Variants in EYA4 observed in about 807,000 individuals in gnomAD.
The protein encoded by EYA4 is EYA transcriptional coactivator and phosphatase 4.
In EYA4, 31 loss-of-function variants were observed where a neutral mutation model predicts 87.9. The observed-to-expected ratio is 0.35, with a 90% CI of 0.27 to 0.48. EYA4 has a LOEUF of 0.48. EYA4 is among the 20% of genes least tolerant of loss of function. The probability of loss-of-function intolerance (pLI) is 0.99; values close to 1 mark genes in which losing one functional copy is unlikely to be tolerated. For synonymous variants in EYA4, 263 were observed against 270.6 expected (o/e 0.97, Z 0.28); for missense variants, 678 against 761.4 (o/e 0.89, Z 1.29).
intron 3 of EYA4, among the ~76,000 whole-genome samples, chr6:133,418,754 G>A (rs975175357): frequency 6.6e-6 from 1 of 152,072 alleles, no homozygotes; most frequent in Non-Finnish European, 1.5e-5. Context: ...CTATAAATAA[G>A]GGCAACCAAA....
chr6:133,522,630 G>C (rs1430430288), intron 17 of EYA4, among the ~76,000 whole-genome samples: 1 of 152,008 alleles, frequency 6.6e-6, no homozygotes, highest in African/African-American at 2.4e-5. Flanking sequence ...AAATTTTCCT[G>C]TTACAAGTAT....
intron 2 of EYA4, among the ~76,000 whole-genome samples, chr6:133,380,622 A>G (rs866330454): frequency 1.3e-5 from 2 of 152,134 alleles, no homozygotes; most frequent in African/African-American, 2.4e-5. Flanking sequence ...TGGGCAGTTC[A>G]TATAGTTTTT....
intron 5 of EYA4, among the ~76,000 whole-genome samples, chr6:133,451,672 G>A (rs1360529951): frequency 6.6e-6 from 1 of 152,132 alleles, no homozygotes; most frequent in Non-Finnish European, 1.5e-5. Flanking sequence ...GCAGAGGGAG[G>A]CAGACATGAA....
chr6:133,424,309 C>T (rs1205412253), intron 3 of EYA4, among the ~76,000 whole-genome samples: 3 of 152,204 alleles, frequency 2.0e-5, no homozygotes, highest in Non-Finnish European at 4.4e-5. Context: ...CCACTCTGGT[C>T]TGCAGGACTG....
Position 133,448,194 on chromosome 6 carries a change from G to GGT in EYA4, c.277+16_277+17dup. The GGT allele has an allele frequency of 6.3e-7, 1 of 1,594,222 alleles. No homozygotes were observed. The highest frequency in any genetic ancestry group is 8.6e-7 in the Non-Finnish European group (1 of 1,161,862). ...TTCTGCAACAAGTATGAGAGATGCT[G>GGT]GTACACTGCATGTGTTTGGGTGTGT... On this transcript the variant is annotated intron_variant, in intron 5 of 19. Transcript: ENST00000355286.
At chr6:133,273,097 G>GTATATATATATATATATA (rs3065331) in intron 1 of EYA4, among the ~76,000 whole-genome samples, 14 of 106,648 alleles carry the variant, frequency 1.3e-4, no homozygotes, top group East Asian at 4.2e-4. Context: ...ATATATATAT[G>GTATATATATATATATATA]TATATATATA....
intron 5 of EYA4, among the ~76,000 whole-genome samples, chr6:133,455,896 A>G (rs1052422379): frequency 3.3e-5 from 5 of 152,144 alleles, no homozygotes; most frequent in African/African-American, 1.2e-4. Context: ...GCCAAAATAC[A>G]CCATTACCAC....
intron 2 of EYA4, among the ~76,000 whole-genome samples, chr6:133,373,075 T>C (rs1028597407): frequency 6.6e-6 from 1 of 152,132 alleles, no homozygotes; most frequent in Non-Finnish European, 1.5e-5. Flanking sequence ...ATTGTTCAAA[T>C]TGAAAAGGTT....
chr6:133,312,382 G>GCACACACA (rs78921867), intron 2 of EYA4, among the ~76,000 whole-genome samples: 39 of 147,812 alleles, frequency 2.6e-4, no homozygotes, highest in African/African-American at 8.8e-4. Flanking sequence ...AGAGGCGCGT[G>GCACACACA]CACACACACA....
intron 3 of EYA4, among the ~76,000 whole-genome samples, chr6:133,436,628 C>T (rs182071510): frequency 6.6e-4 from 101 of 152,244 alleles, no homozygotes; most frequent in African/African-American, 2.4e-3. Context: ...GCTTTTGTCA[C>T]ATAGGAAGAA....
chr6:133,308,934 CAG>C (rs1398973051), intron 2 of EYA4, among the ~76,000 whole-genome samples: 2 of 148,424 alleles, frequency 1.3e-5, no homozygotes, highest in East Asian at 2.1e-4. Flanking sequence ...AAAAATTTTT[CAG>C]AGAGGTATTT....
At chr6:133,298,393 C>A (rs1261288252) in intron 2 of EYA4, among the ~76,000 whole-genome samples, 3 of 152,090 alleles carry the variant, frequency 2.0e-5, no homozygotes, top group African/African-American at 7.2e-5. Context: ...GTACCTGTTC[C>A]TACAAGTGTC....
intron 3 of EYA4, among the ~76,000 whole-genome samples, chr6:133,431,949 A>ATTT (rs34742458): frequency 4.2e-5 from 6 of 143,970 alleles, no homozygotes; most frequent in African/African-American, 1.5e-4. Flanking sequence ...CATTTTCTTG[A>ATTT]TTTTTTTTTT....
chr6:133,436,223 G>GA lies in EYA4; in HGVS notation c.84-10392dup, dbSNP rs537669152. 4.0e-3 allele frequency among the ~76,000 whole-genome samples: 532 copies of GA among 133,336 alleles called. 2 individuals carry two copies. The highest frequency in any genetic ancestry group is 4.1e-3 in the African/African-American group (150 of 36,556). The allele number at this position is 133,336 out of a possible 152,430, so 87.5% of individuals were successfully genotyped here. A position where few individuals can be genotyped will look rare whatever the true frequency, so the allele number is the denominator to read the frequency against. ...CGACAGAGCAAGACTCCGTCTTGAG[G>GA]AAAAAAAAAAAAAAAGAAATTTCCA... On this transcript the variant is annotated intron_variant, in intron 3 of 19. Transcript: ENST00000355286.
intron 2 of EYA4, among the ~76,000 whole-genome samples, chr6:133,285,546 TGTA>T (rs1777988382): frequency 6.6e-6 from 1 of 152,192 alleles, no homozygotes; most frequent in Non-Finnish European, 1.5e-5. Context: ...TCCAGACCAT[TGTA>T]AAGCTTAAAC....
At chr6:133,282,169 C>A (rs1219708213) in intron 2 of EYA4, among the ~76,000 whole-genome samples, 2 of 152,018 alleles carry the variant, frequency 1.3e-5, no homozygotes, top group African/African-American at 2.4e-5. Context: ...AATCTCCAAC[C>A]TGCTTCATAG....
At chr6:133,336,243 T>C (rs1160804886) in intron 2 of EYA4, among the ~76,000 whole-genome samples, 1 of 152,134 alleles carries the variant, frequency 6.6e-6, no homozygotes, top group Non-Finnish European at 1.5e-5. Flanking sequence ...AAAGACTGTT[T>C]ACTAATAAGA....
At position 133,340,226 on chromosome 6, in the gene EYA4, T is replaced by C. The variant is rs137904766; in HGVS notation, c.34-42166T>C. On this transcript the variant is annotated intron_variant, in intron 2 of 19. Transcript: ENST00000355286. ...CTTTTTCTGTGTACTAGAGGGACTGTAGGTATAGACACAGAAAAACCATTT... is the reference window on the plus strand; with the variant it reads ...CTTTTTCTGTGTACTAGAGGGACTGCAGGTATAGACACAGAAAAACCATTT... 3.9e-3 allele frequency among the ~76,000 whole-genome samples: 590 copies of C among 152,276 alleles called. 2 individuals carry two copies. Among genetic ancestry groups the C allele is most frequent in the African/African-American group, 0.012 (487 of 41,564 alleles).
chr6:133,324,510 T>G (rs9493592), intron 2 of EYA4, among the ~76,000 whole-genome samples: 3,949 of 152,252 alleles, frequency 0.026, 149 homozygotes, highest in African/African-American at 0.087. Flanking sequence ...AGTTTTTTTA[T>G]GTATTATGTA....
Sources: gnomAD v4.1 joint callset for allele counts (sites outside exome capture counted in the v4.1 genomes callset) on GRCh38, gnomAD v4.1.1 for gene constraint, MANE v1.5 for transcripts, NCBI Gene and HGNC (gene_info 2026-07-23, HGNC 2026-07-21) for gene names.